The following DCAF7 variants were observed in gnomAD, a reference collection of about 807,000 sequenced individuals.
The protein encoded by DCAF7 is DDB1- and CUL4-associated factor 7.
DCAF7 carries 4 observed loss-of-function variants against 41.2 expected under a neutral mutation model. That is an observed-to-expected ratio of 0.10 (90% CI 0.05 to 0.22). The LOEUF (loss-of-function observed/expected upper bound fraction) is 0.22. DCAF7 is among the 10% of genes least tolerant of loss of function. DCAF7 has a pLI of 1.00. For synonymous variants in DCAF7, 143 were observed against 164.2 expected, an observed-to-expected ratio of 0.87 and a Z score of 0.99; for missense variants, 131 against 443.2, an observed-to-expected ratio of 0.30 and a Z score of 6.32.
At chr17:63,577,471 G>A (rs1230874507) in intron 1 of DCAF7, among the ~76,000 whole-genome samples, 2 of 152,180 alleles carry the variant, frequency 1.3e-5, no homozygotes, top group Admixed American at 6.5e-5. Flanking sequence ...GTCCCATTGA[G>A]CCAGATTGAG....
At chr17:63,581,366 C>G (rs928904404) in intron 4 of DCAF7, among the ~76,000 whole-genome samples, 6 of 152,192 alleles carry the variant, frequency 3.9e-5, no homozygotes, top group African/African-American at 1.4e-4. Context: ...GATGGTAAAG[C>G]TGAGAAGCCA....
intron 3 of DCAF7, 65 bp downstream of exon 3, chr17:63,579,513 C>T (rs2033596544): frequency 3.7e-5 from 44 of 1,203,032 alleles, no homozygotes; most frequent in Non-Finnish European, 5.0e-5. Context: ...TCAGATGTCA[C>T]ACTGGGCCAT....
At chr17:63,587,191 A>G (rs924591363) in intron 6 of DCAF7, among the ~76,000 whole-genome samples, 16 of 152,060 alleles carry the variant, frequency 1.1e-4, no homozygotes, top group Non-Finnish European at 2.2e-4. Flanking sequence ...CCATTTGAGC[A>G]TTATTTGGAA....
At chr17:63,567,747 C>G (rs1242248951) in intron 1 of DCAF7, among the ~76,000 whole-genome samples, 6 of 151,976 alleles carry the variant, frequency 3.9e-5, no homozygotes, top group African/African-American at 4.8e-5. Flanking sequence ...ACAGCCTTGA[C>G]TTTCTGGGTT....
At chr17:63,583,848 C>A in intron 5 of DCAF7, 137 bp downstream of exon 5, 1 of 880,776 alleles carries the variant, frequency 1.1e-6, no homozygotes, top group Non-Finnish European at 1.8e-6. Flanking sequence ...TTTTGATTGT[C>A]ACAGCTCTAG....
intron 1 of DCAF7, among the ~76,000 whole-genome samples, chr17:63,578,069 A>G (rs538405749): frequency 6.6e-6 from 1 of 152,132 alleles, no homozygotes; most frequent in Non-Finnish European, 1.5e-5. Context: ...CAGTGTCAAG[A>G]CTTCTGTCAC....
chr17:63,551,129 A>G (rs2033248048), intron 1 of DCAF7, among the ~76,000 whole-genome samples: 1 of 152,038 alleles, frequency 6.6e-6, no homozygotes, highest in Non-Finnish European at 1.5e-5. Context: ...TACTCCATTT[A>G]TTCATCCCGT....
At position 63,583,687 on chromosome 17, in the gene DCAF7, C is replaced by T; in HGVS notation, c.714C>T (p.Ala238=). 6.2e-7 allele frequency: 1 copy of T among 1,613,908 alleles called. No homozygotes were observed. ...CWNKQDPNYL[A]TMAMDGMEVV... is the part of the protein sequence containing the mutation. ...ACAAGCAGGACCCTAACTACCTGGC[C>T]ACCATGGCCATGGATGGAATGGAGG... Residue 238 remains alanine, a synonymous_variant, in exon 5 of 7, where the codon GCC becomes GCT. Coordinates refer to ENST00000614556, the MANE Select transcript of DCAF7 (RefSeq NM_005828.5).
intron 6 of DCAF7, among the ~76,000 whole-genome samples, chr17:63,588,205 T>TTTTTTTA (rs2033698246): frequency 1.3e-5 from 2 of 149,062 alleles, no homozygotes; most frequent in African/African-American, 5.1e-5. Context: ...TTTTTTTTTT[T>TTTTTTTA]GAGATGAAGT....
At chr17:63,570,136 C>T (rs998003414) in intron 1 of DCAF7, among the ~76,000 whole-genome samples, 2 of 152,226 alleles carry the variant, frequency 1.3e-5, no homozygotes, top group East Asian at 3.9e-4. Context: ...GGATGTTGGT[C>T]ACATCAGCCT....
rs376241989 is a variant in DCAF7 at position 63,583,490 on chromosome 17, G to A, written c.529-12G>A. Reference sequence around the variant, plus strand: ...GATCTGAATCTGACTGGAGCTTCTTGTTCACCAACAGGTCTATGATATTGC... The same window carrying A: ...GATCTGAATCTGACTGGAGCTTCTTATTCACCAACAGGTCTATGATATTGC... On this transcript the variant is annotated splice_polypyrimidine_tract_variant and intron_variant, in intron 4 of 6. Coordinates refer to ENST00000614556, the MANE Select transcript of DCAF7 (RefSeq NM_005828.5). The A allele has an allele frequency of 7.4e-5, 119 of 1,612,130 alleles. No homozygotes were observed. The highest frequency in any genetic ancestry group is 9.1e-5 in the Non-Finnish European group (107 of 1,178,740).
At chr17:63,583,363 A>G in intron 4 of DCAF7, 139 bp from the exon 5 acceptor site, 1 of 766,554 alleles carries the variant, frequency 1.3e-6, no homozygotes, top group East Asian at 2.7e-5. Context: ...TTCAGTACTC[A>G]CAGACACTGT....
At chr17:63,571,416 G>T (rs1326533520) in intron 1 of DCAF7, among the ~76,000 whole-genome samples, 2 of 151,950 alleles carry the variant, frequency 1.3e-5, no homozygotes, top group Non-Finnish European at 2.9e-5. Flanking sequence ...TTTACAGTTA[G>T]TATAAATTAC....
chr17:63,587,556 G>C (rs2033690537), intron 6 of DCAF7, among the ~76,000 whole-genome samples: 1 of 151,870 alleles, frequency 6.6e-6, no homozygotes, highest in Non-Finnish European at 1.5e-5. Context: ...TTGAGGAAAA[G>C]GGCCTTAGTG....
chr17:63,558,499 T>G (rs897013025), intron 1 of DCAF7, among the ~76,000 whole-genome samples: 13 of 152,216 alleles, frequency 8.5e-5, no homozygotes, highest in Non-Finnish European at 1.5e-4. Flanking sequence ...CCTAAAGATG[T>G]CAGTGTCCCT....
intron 1 of DCAF7, among the ~76,000 whole-genome samples, chr17:63,576,746 T>A (rs888783460): frequency 3.3e-5 from 5 of 152,044 alleles, no homozygotes; most frequent in African/African-American, 1.2e-4. Context: ...AGACCCCATC[T>A]CTACAAAAAA....
intron 6 of DCAF7, among the ~76,000 whole-genome samples, chr17:63,587,120 C>G (rs1598038546): frequency 6.6e-6 from 1 of 152,090 alleles, no homozygotes; most frequent in Non-Finnish European, 1.5e-5. Flanking sequence ...TAATCAGGAG[C>G]CTTATAATGG....
At chr17:63,552,951 G>A (rs926592561) in intron 1 of DCAF7, among the ~76,000 whole-genome samples, 1 of 152,170 alleles carries the variant, frequency 6.6e-6, no homozygotes, top group African/African-American at 2.4e-5. Context: ...TAGGCAATGC[G>A]CTGTCTTAAA....
intron 1 of DCAF7, among the ~76,000 whole-genome samples, chr17:63,558,927 C>G (rs1219955545): frequency 6.6e-6 from 1 of 152,032 alleles, no homozygotes; most frequent in Non-Finnish European, 1.5e-5. Flanking sequence ...GTTTGATACT[C>G]TAAGAACTGA....
Sources: allele counts gnomAD v4.1 joint callset (sites outside exome capture counted in the v4.1 genomes callset), GRCh38; gene constraint gnomAD v4.1.1; transcripts MANE v1.5; gene names NCBI Gene and HGNC (gene_info 2026-07-23, HGNC 2026-07-21).